MRPS28: variants seen among roughly 807,000 people sequenced by gnomAD.
MRPS28 encodes the protein mitochondrial ribosomal protein S28.
MRPS28 carries 7 observed loss-of-function variants against 10.8 expected under a neutral mutation model. That is an observed-to-expected ratio of 0.65 (90% CI 0.37 to 1.22). The LOEUF (loss-of-function observed/expected upper bound fraction) is 1.22, where lower values mean the gene tolerates loss of function less well. Ranked by LOEUF, MRPS28 falls within the 50% of genes most tolerant of loss-of-function variation. The pLI, the probability that MRPS28 is intolerant of heterozygous loss-of-function variation, is 0.02. For missense variants in MRPS28, 265 were observed against 232.9 expected (o/e 1.14, Z -0.90); for synonymous variants, 121 against 93.3 (o/e 1.30, Z -1.71).
intron 2 of MRPS28, among the ~76,000 whole-genome samples, chr8:79,980,755 G>C (rs563795294): frequency 3.7e-4 from 56 of 152,214 alleles, no homozygotes; most frequent in Non-Finnish European, 6.0e-4. Context: ...GCACTATGCC[G>C]GACATTTAAA....
At chr8:79,992,286 T>C (rs943402478) in intron 2 of MRPS28, among the ~76,000 whole-genome samples, 4 of 152,214 alleles carry the variant, frequency 2.6e-5, no homozygotes, top group Non-Finnish European at 5.9e-5. Flanking sequence ...ATGAAGTAAT[T>C]TGTTACACAG....
intron 1 of MRPS28, among the ~76,000 whole-genome samples, chr8:80,027,403 C>A (rs1423626827): frequency 6.6e-6 from 1 of 152,178 alleles, no homozygotes; most frequent in Non-Finnish European, 1.5e-5. Context: ...AAACTGGAAA[C>A]CTGAACTGAG....
intron 2 of MRPS28, among the ~76,000 whole-genome samples, chr8:79,942,422 T>C (rs1280321516): frequency 1.3e-5 from 2 of 152,244 alleles, no homozygotes; most frequent in Non-Finnish European, 2.9e-5. Flanking sequence ...AATGAAGGCA[T>C]GATGACATCT....
intron 1 of MRPS28, among the ~76,000 whole-genome samples, chr8:80,005,951 TGCACCCAATACAGGA>T (rs923454975): frequency 1.3e-5 from 2 of 152,020 alleles, no homozygotes; most frequent in Non-Finnish European, 2.9e-5. Context: ...TAAATATATA[TGCACCCAATACAGGA>T]GCACCCAGAT....
rs138405897 is a variant in MRPS28, at chr8:79,975,161, G to A, written c.395+27838C>T. Among the ~76,000 whole-genome samples the A allele has an allele frequency of 3.1e-3, 471 of 152,170 alleles. 1 individual carries two copies. The highest frequency in any genetic ancestry group is 0.011 in the African/African-American group (456 of 41,520). Reference sequence around the variant, plus strand: ...AATGTACAAAAATTAGCCAGGTGTGGTGGCATGCACCTGTAGTCCCAGCTA... The same window carrying A: ...AATGTACAAAAATTAGCCAGGTGTGATGGCATGCACCTGTAGTCCCAGCTA... On this transcript the variant is annotated intron_variant, in intron 2 of 2. Transcript: ENST00000276585.
chr8:79,938,612 G>A (rs1190979339), intron 2 of MRPS28, among the ~76,000 whole-genome samples: 1 of 152,150 alleles, frequency 6.6e-6, no homozygotes, highest in Non-Finnish European at 1.5e-5. Flanking sequence ...GAACCTTACT[G>A]TTGCCAGTAT....
chr8:79,991,909 GCTCTCTCTCTCT>G (rs33936648), intron 2 of MRPS28, among the ~76,000 whole-genome samples: 4,586 of 133,016 alleles, frequency 0.034, 138 homozygotes, highest in African/African-American at 0.079. Flanking sequence ...CTTCCTCCTT[GCTCTCTCTCTCT>G]CTCTCTCTCT....
intron 2 of MRPS28, among the ~76,000 whole-genome samples, chr8:79,978,245 G>A (rs1323224162): frequency 6.6e-6 from 1 of 152,150 alleles, no homozygotes; most frequent in Non-Finnish European, 1.5e-5. Flanking sequence ...GTGGGCTAAG[G>A]TGAACTAGGC....
At chr8:79,924,085 C>G (rs1173195639) in intron 2 of MRPS28, among the ~76,000 whole-genome samples, 8 of 152,078 alleles carry the variant, frequency 5.3e-5, no homozygotes. Flanking sequence ...TGGATTGAAC[C>G]TCGGTATCCA....
At chr8:79,932,785 G>C (rs1007184398) in intron 2 of MRPS28, among the ~76,000 whole-genome samples, 2 of 152,158 alleles carry the variant, frequency 1.3e-5, no homozygotes, top group Non-Finnish European at 2.9e-5. Context: ...CCACATTCCC[G>C]GCAGCCAGAT....
At chr8:79,920,331 G>A (rs1810055763) in intron 2 of MRPS28, among the ~76,000 whole-genome samples, 1 of 152,134 alleles carries the variant, frequency 6.6e-6, no homozygotes, top group African/African-American at 2.4e-5. Context: ...GGGTCAAATG[G>A]TATTTCTAGT....
In MRPS28 at chr8:80,030,066, C is replaced by T. The variant is rs751356591; in HGVS notation, c.183G>A (p.Glu61=). The change falls in exon 1 of 3, where the codon GAG becomes GAA. Residue 61 remains glutamate, a synonymous_variant. Transcript: ENST00000276585. The part of the protein sequence containing the change: ...GFASALERHS[E]LLQKVEPLQK... ...GTAGGGGCTCCACCTTCTGTAGAAG[C>T]TCCGAGTGCCGCTCCAACGCGCTCG... The T allele has an allele frequency of 6.2e-7, 1 of 1,613,530 alleles. No homozygotes were observed. Among genetic ancestry groups the T allele is most frequent in the Non-Finnish European group, 8.5e-7 (1 of 1,179,788 alleles).
chr8:79,990,989 CA>C (rs60436244), intron 2 of MRPS28, among the ~76,000 whole-genome samples: 83,794 of 118,736 alleles, frequency 0.71, 27,519 homozygotes, highest in East Asian at 0.83. Context: ...GACTCCATCT[CA>C]AAAAAAAAAA....
At chr8:79,946,815 T>C (rs961602087) in intron 2 of MRPS28, among the ~76,000 whole-genome samples, 1 of 152,200 alleles carries the variant, frequency 6.6e-6, no homozygotes, top group Non-Finnish European at 1.5e-5. Context: ...CAAGCGTTTG[T>C]ATTTTATAAA....
At chr8:80,001,358 C>T (rs1023795786) in intron 2 of MRPS28, among the ~76,000 whole-genome samples, 15 of 152,160 alleles carry the variant, frequency 9.9e-5, no homozygotes, top group African/African-American at 2.9e-4. Flanking sequence ...GCTGAGGATA[C>T]CTCTCTTAAA....
chr8:79,964,152 G>T (rs1010335091), intron 2 of MRPS28, among the ~76,000 whole-genome samples: 2 of 152,116 alleles, frequency 1.3e-5, no homozygotes, highest in African/African-American at 4.8e-5. Context: ...ACTCAACAGA[G>T]ATTGCTGAAG....
intron 2 of MRPS28, among the ~76,000 whole-genome samples, chr8:79,968,325 C>T (rs1393559771): frequency 6.6e-6 from 1 of 152,112 alleles, no homozygotes; most frequent in Non-Finnish European, 1.5e-5. Context: ...CAGCAGAGGT[C>T]CCAAACATAA....
At chr8:80,013,161 T>C (rs1482204142) in intron 1 of MRPS28, among the ~76,000 whole-genome samples, 1 of 152,208 alleles carries the variant, frequency 6.6e-6, no homozygotes, top group Non-Finnish European at 1.5e-5. Context: ...AATAAGTCAT[T>C]TAACTTCTCT....
intron 2 of MRPS28, among the ~76,000 whole-genome samples, chr8:79,982,743 G>C (rs2130083740): frequency 6.6e-6 from 1 of 152,332 alleles, no homozygotes; most frequent in East Asian, 1.9e-4. Context: ...GGCTTGCTTA[G>C]GTAAACAAAG....
Sources: gnomAD v4.1 joint callset for allele counts (sites outside exome capture counted in the v4.1 genomes callset) on GRCh38, gnomAD v4.1.1 for gene constraint, MANE v1.5 for transcripts, NCBI Gene and HGNC (gene_info 2026-07-23, HGNC 2026-07-21) for gene names.